The following KHDC1 variants were observed in gnomAD, a reference collection of about 807,000 sequenced individuals.
KHDC1 encodes the protein KH domain containing 1.
KHDC1 carries 21 observed loss-of-function variants against 24.7 expected under a neutral mutation model. That is an observed-to-expected ratio of 0.85 (90% confidence interval 0.60 to 1.23). The LOEUF (loss-of-function observed/expected upper bound fraction) is 1.23, where lower values mean the gene tolerates loss of function less well. Among genes scored for constraint, KHDC1 ranks in the 50% most tolerant of loss-of-function variants. The pLI is 0.00. For synonymous variants in KHDC1, 98 were observed against 111.7 expected (o/e 0.88, Z 0.77); for missense variants, 274 against 298.5 (o/e 0.92, Z 0.61).
chr6:73,270,168 T>A (rs2150601172), intron 2 of KHDC1: 1 of 152,354 alleles, frequency 6.6e-6, no homozygotes, highest in East Asian at 1.9e-4. Context: ...TAATCTGAAT[T>A]GTACCCTTTA....
intron 1 of KHDC1, among the ~76,000 whole-genome samples, chr6:73,307,288 C>T (rs558316820): frequency 1.1e-3 from 160 of 151,738 alleles, no homozygotes; most frequent in Non-Finnish European, 1.9e-3. Flanking sequence ...ATTAGCCAGG[C>T]GTGATGCCGG....
chr6:73,297,207 A>G (rs185509707), intron 1 of KHDC1, among the ~76,000 whole-genome samples: 1 of 152,062 alleles, frequency 6.6e-6, no homozygotes, highest in East Asian at 1.9e-4. Flanking sequence ...AGCCTACTAT[A>G]TATATATTTT....
At chr6:73,308,206 C>G (rs1024424932) in intron 1 of KHDC1, among the ~76,000 whole-genome samples, 2 of 151,490 alleles carry the variant, frequency 1.3e-5, no homozygotes, top group Admixed American at 6.6e-5. Context: ...TCCCGAGTAG[C>G]TGGGACTACA....
chr6:73,292,648 A>G, intron 1 of KHDC1: 6 of 755,586 alleles, frequency 7.9e-6, no homozygotes, highest in Non-Finnish European at 1.2e-5. Context: ...AGGTTGTGAT[A>G]ATATTGTTGA....
intron 1 of KHDC1, among the ~76,000 whole-genome samples, chr6:73,309,110 C>G (rs1276129340): frequency 1.3e-5 from 2 of 152,230 alleles, no homozygotes; most frequent in African/African-American, 4.8e-5. Context: ...CGTGAGCCAA[C>G]GCGCCTGGCA....
intron 2 of KHDC1, among the ~76,000 whole-genome samples, chr6:73,279,575 ATTTTTT>A (rs560281126): frequency 2.0e-5 from 2 of 98,312 alleles, no homozygotes; most frequent in African/African-American, 7.4e-5. Flanking sequence ...GGGACCATGG[ATTTTTT>A]TTTTTTTTTT....
chr6:73,275,964 G>C (rs1767285630), intron 2 of KHDC1: 1 of 152,342 alleles, frequency 6.6e-6, no homozygotes, highest in South Asian at 2.1e-4. Flanking sequence ...AGGCCAAGGC[G>C]GGTGGATCAT....
chr6:73,241,768 T>C (rs555526620), intron 4 of KHDC1, 40 bp from the exon 4 acceptor site: 10 of 1,602,236 alleles, frequency 6.2e-6, no homozygotes, highest in Non-Finnish European at 8.5e-6. Context: ...CCAGGGCCCA[T>C]AACTGGGGCC....
chr6:73,304,140 C>G (rs1287040725), intron 1 of KHDC1, among the ~76,000 whole-genome samples: 2 of 151,778 alleles, frequency 1.3e-5, no homozygotes, highest in African/African-American at 4.8e-5. Context: ...GATCATGCCA[C>G]TGCACACCAG....
chr6:73,301,635 A>AT (rs924928468), intron 1 of KHDC1, among the ~76,000 whole-genome samples: 18 of 150,668 alleles, frequency 1.2e-4, no homozygotes, highest in African/African-American at 2.2e-4. Context: ...GGTTTTTTAA[A>AT]TTTTTTTTTT....
chr6:73,272,728 A>G (rs893357162), intron 2 of KHDC1, among the ~76,000 whole-genome samples: 9 of 149,666 alleles, frequency 6.0e-5, no homozygotes, highest in African/African-American at 2.2e-4. Context: ...GTGAGCCGAG[A>G]TGGCACCACT....
intron 1 of KHDC1, among the ~76,000 whole-genome samples, chr6:73,309,250 C>T (rs1445731629): frequency 6.6e-6 from 1 of 152,192 alleles, no homozygotes; most frequent in African/African-American, 2.4e-5. Flanking sequence ...GGAAGATGGC[C>T]CCCTAGAGGA....
chr6:73,295,620 C>T lies in KHDC1; in HGVS notation c.164-3580G>A, dbSNP rs185163412. Among the ~76,000 whole-genome samples the T allele has an allele frequency of 3.8e-4, 58 of 151,008 alleles. No homozygotes were observed. In the East Asian group the frequency reaches 0.01, roughly 27 times the overall value. On this transcript the variant is annotated intron_variant, in intron 1 of 4. Coordinates refer to ENST00000370384, the Ensembl canonical transcript of KHDC1. ...TAGCACTTTGGGAGGCCAAGGCGGG[C>T]GGATTACCTGAGGTCAGGAGTTCGA...
chr6:73,283,511 C>T (rs1197844482), intron 2 of KHDC1, among the ~76,000 whole-genome samples: 1 of 152,044 alleles, frequency 6.6e-6, no homozygotes, highest in Non-Finnish European at 1.5e-5. Context: ...CTCAAGTGAT[C>T]CTCCTTCCCA....
intron 1 of KHDC1, chr6:73,292,794 A>G (rs1767680718): frequency 1.4e-6 from 1 of 711,070 alleles, no homozygotes; most frequent in Non-Finnish European, 2.6e-6. Flanking sequence ...ACTCAACAGG[A>G]GTCTTACACA....
chr6:73,248,003 A>C (rs1766699568), intron 2 of KHDC1, among the ~76,000 whole-genome samples: 1 of 152,112 alleles, frequency 6.6e-6, no homozygotes, highest in Non-Finnish European at 1.5e-5. Context: ...GAAAACACTA[A>C]CACCCACTCA....
At chr6:73,244,422 T>C (rs1766627553) in intron 2 of KHDC1, among the ~76,000 whole-genome samples, 1 of 152,112 alleles carries the variant, frequency 6.6e-6, no homozygotes, top group African/African-American at 2.4e-5. Context: ...TCAGCAGACA[T>C]ACTTTGTTGT....
intron 2 of KHDC1, among the ~76,000 whole-genome samples, chr6:73,282,119 G>A (rs1331250678): frequency 2.0e-5 from 3 of 149,440 alleles, no homozygotes; most frequent in Non-Finnish European, 4.5e-5. Context: ...TCAGGAGGCT[G>A]AGGCATGAGA....
At chr6:73,264,442 G>T (rs143004402) in intron 2 of KHDC1, among the ~76,000 whole-genome samples, 33 of 152,304 alleles carry the variant, frequency 2.2e-4, no homozygotes, top group African/African-American at 7.7e-4. Context: ...GCCAGTACAG[G>T]AACAAGGAGG....
Sources: allele counts gnomAD v4.1 joint callset (sites outside exome capture counted in the v4.1 genomes callset), GRCh38; gene constraint gnomAD v4.1.1; transcripts MANE v1.5; gene names NCBI Gene and HGNC (gene_info 2026-07-23, HGNC 2026-07-21).